Variants in CHRDL2 observed in about 807,000 individuals in gnomAD.
The protein encoded by CHRDL2 is chordin-like protein 2.
CHRDL2 carries 41 observed loss-of-function variants against 54.3 expected under a neutral mutation model. The ratio of observed to expected loss-of-function variants is 0.76; its 90% CI spans 0.59 to 0.98. The LOEUF (loss-of-function observed/expected upper bound fraction) is 0.98, where lower values mean the gene tolerates loss of function less well. Ranked by LOEUF, CHRDL2 falls within the 50% of genes least tolerant of loss-of-function variation. The pLI is 0.00. For synonymous variants in CHRDL2, 220 were observed against 224.3 expected (o/e 0.98, Z 0.17); for missense variants, 518 against 562.4 (o/e 0.92, Z 0.80).
chr11:74,709,999 G>A (rs1260175975), intron 4 of CHRDL2, among the ~76,000 whole-genome samples: 1 of 152,060 alleles, frequency 6.6e-6, no homozygotes, highest in Non-Finnish European at 1.5e-5. Flanking sequence ...GGCAGATCAC[G>A]AGGTCAGGAG....
At chr11:74,720,299 T>A (rs2034473479) in intron 1 of CHRDL2, 1 of 153,916 alleles carries the variant, frequency 6.5e-6, no homozygotes, top group Admixed American at 6.5e-5. Context: ...ATTGTCATCT[T>A]CTGGAATAGA....
chr11:74,719,509 G>A (rs1368830824), intron 1 of CHRDL2, among the ~76,000 whole-genome samples: 1 of 152,136 alleles, frequency 6.6e-6, no homozygotes, highest in East Asian at 1.9e-4. Context: ...TGTAGAGGAG[G>A]ATTGGCAGGG....
In CHRDL2 at chr11:74,731,354, G is replaced by T. The variant is rs1392939761; in HGVS notation, c.-466C>A. On this transcript the variant is annotated 5_prime_UTR_variant, in exon 1 of 11. Coordinates refer to ENST00000376332, the MANE Select transcript of CHRDL2 (RefSeq NM_001278473.3). This position sits in a 1 kb window ranked among gnomAD's most constrained non-coding sequence, Gnocchi z 4.4. ...GCGGGGGCCTGGGGCCCGGCGGGGC[G>T]GCGGTCCCAGCAGCGGCGGCGGCGC... 2 of 148,398 alleles carry T rather than the reference G, an allele frequency of 1.3e-5. No homozygotes were observed. The highest frequency in any genetic ancestry group is 4.9e-5 in the African/African-American group (2 of 40,932). The allele number at this position is 148,398 out of a possible 1,614,324, so 9.2% of individuals were successfully genotyped here.
At chr11:74,710,179 A>G (rs1270983227) in intron 4 of CHRDL2, among the ~76,000 whole-genome samples, 2 of 150,884 alleles carry the variant, frequency 1.3e-5, no homozygotes, top group Non-Finnish European at 3.0e-5. Flanking sequence ...TCACGCCACT[A>G]CACTCCGGCC....
Position 74,704,023 on chromosome 11 carries a change from C to T in CHRDL2, c.751+463G>A, listed in dbSNP as rs183209013. On this transcript the variant is annotated intron_variant, in intron 7 of 10. Transcript: ENST00000376332. ...TTCTCTACTTCATCCCCACTGTCCTCCTGCAGCCTCGCTCTGCTCCCTCCT... is the reference window on the plus strand; with the variant it reads ...TTCTCTACTTCATCCCCACTGTCCTTCTGCAGCCTCGCTCTGCTCCCTCCT... Among the ~76,000 whole-genome samples the T allele has an allele frequency of 2.4e-4, 36 of 152,340 alleles. No individual in the cohort carries two copies. In the East Asian group the frequency reaches 6.0e-3, roughly 25 times the overall value.
At chr11:74,705,151 C>T (rs1018392502) in intron 6 of CHRDL2, among the ~76,000 whole-genome samples, 3 of 152,132 alleles carry the variant, frequency 2.0e-5, no homozygotes, top group Non-Finnish European at 4.4e-5. Context: ...AGAGCAGGCC[C>T]CATCCAGAGA....
chr11:74,697,473 C>G (rs988405362), intron 9 of CHRDL2, 176 bp from the exon 10 acceptor site: 3 of 611,192 alleles, frequency 4.9e-6, no homozygotes, highest in East Asian at 2.8e-5. Flanking sequence ...ATTCTCCTAT[C>G]TCTCTGCCAC....
In CHRDL2 at chr11:74,696,588, G is replaced by T. The variant is rs765337940; in HGVS notation, c.1214-3C>A. The T allele has an allele frequency of 1.2e-6, 2 of 1,611,064 alleles. No homozygotes were observed. The highest frequency in any genetic ancestry group is 1.7e-6 in the Non-Finnish European group (2 of 1,177,646). ...GGCTAGGAAGACGTTCCAGTGACCT[G>T]CATGGAGGAGGGCAGAAGAGGGAAG... is the stretch of plus-strand genomic sequence containing the variant. On this transcript the variant is annotated splice_polypyrimidine_tract_variant and splice_region_variant and intron_variant, in intron 10 of 10. Transcript: ENST00000376332.
chr11:74,729,898 G>A (rs1376821587), intron 1 of CHRDL2, among the ~76,000 whole-genome samples: 2 of 152,246 alleles, frequency 1.3e-5, no homozygotes, highest in African/African-American at 4.8e-5. Context: ...CTGAGGCTCA[G>A]ATTGATGATG....
chr11:74,710,891 G>A lies in CHRDL2; in HGVS notation c.390C>T (p.Phe130=). 3 of 1,614,156 alleles carry A rather than the reference G, an allele frequency of 1.9e-6. No homozygotes were observed. The highest frequency in any genetic ancestry group is 2.5e-6 in the Non-Finnish European group (3 of 1,180,016). The change falls in exon 4 of 11, where the codon TTC becomes TTT. Residue 130 remains phenylalanine (F), a synonymous_variant. Coordinates refer to ENST00000376332, the MANE Select transcript of CHRDL2 (RefSeq NM_001278473.3). ...CACACTGGTTGGGCAGGCGGGAGGG[G>A]AACAGCTCATGGGCACTGAAGATCT... ...HGEIFSAHEL[F]PSRLPNQCVL...
intron 2 of CHRDL2, among the ~76,000 whole-genome samples, chr11:74,715,572 C>A: frequency 6.7e-6 from 1 of 149,938 alleles, no homozygotes; most frequent in Middle Eastern, 3.5e-3. Context: ...CATGGCACTC[C>A]AGCCTGGGCG....
At chr11:74,730,696 G>A (rs1055313326) in intron 1 of CHRDL2, 111 bp downstream of exon 1, 35 of 1,023,194 alleles carry the variant, frequency 3.4e-5, no homozygotes, top group Middle Eastern at 2.8e-4. Flanking sequence ...TCCGGCACAG[G>A]TGCTGCCTGG....
chr11:74,703,407 AG>A lies in CHRDL2; in HGVS notation c.843del (p.Cys282ValfsTer11), dbSNP rs2033898553. 1 of 1,613,636 alleles carries A rather than the reference AG, an allele frequency of 6.2e-7. No homozygotes were observed. The highest frequency in any genetic ancestry group is 8.5e-7 in the Non-Finnish European group (1 of 1,179,888). ...TGGCAGTCCTGGCGGCCATCCTCAC[AG>A]GTGCATAGGATGCAGGGCAAGGGGC... ...AFGPLPCILC[T>X]CEDGRQDCQR... On this transcript the variant is annotated frameshift_variant, in exon 8 of 11. Transcript: ENST00000376332. LOFTEE classifies it high-confidence loss of function.
At chr11:74,728,367 G>C (rs995409031) in intron 1 of CHRDL2, among the ~76,000 whole-genome samples, 1 of 152,166 alleles carries the variant, frequency 6.6e-6, no homozygotes, top group Non-Finnish European at 1.5e-5. Flanking sequence ...CTTTGTAAGA[G>C]ACCTTCAAAT....
chr11:74,721,165 C>T (rs1346944710), intron 1 of CHRDL2, among the ~76,000 whole-genome samples: 2 of 143,298 alleles, frequency 1.4e-5, no homozygotes, highest in African/African-American at 4.9e-5. Context: ...GGACACGGGC[C>T]CAGCTGGGGT....
chr11:74,718,841 C>G lies in CHRDL2; in HGVS notation c.83-9G>C. ...GCAGAACATGTCTGGGCCTGGCAAACCGACCAGTGCCATGTTAGTCCCAGG... is the reference window on the plus strand; with the variant it reads ...GCAGAACATGTCTGGGCCTGGCAAAGCGACCAGTGCCATGTTAGTCCCAGG... On this transcript the variant is annotated splice_polypyrimidine_tract_variant and intron_variant, in intron 1 of 10. Coordinates refer to ENST00000376332, the MANE Select transcript of CHRDL2 (RefSeq NM_001278473.3). The G allele has an allele frequency of 6.4e-7, 1 of 1,559,706 alleles. No individual in the cohort carries two copies.
chr11:74,708,481 A>T, intron 4 of CHRDL2, 86 bp from the exon 5 acceptor site: 1 of 1,036,440 alleles, frequency 9.6e-7, no homozygotes, highest in African/African-American at 1.7e-5. Flanking sequence ...CCTGGGAGCA[A>T]ATGGCCTTGA....
intron 7 of CHRDL2, 130 bp from the exon 8 acceptor site, chr11:74,703,629 G>T: frequency 1.4e-6 from 1 of 727,144 alleles, no homozygotes; most frequent in Non-Finnish European, 2.2e-6. Context: ...CACACTGCCT[G>T]CAAAGCATAG....
At chr11:74,709,042 G>T (rs571485200) in intron 4 of CHRDL2, among the ~76,000 whole-genome samples, 71 of 152,340 alleles carry the variant, frequency 4.7e-4, no homozygotes, top group Non-Finnish European at 8.5e-4. Context: ...CAACGTGCCT[G>T]GGGGGAAGCA....
Sources: allele counts gnomAD v4.1 joint callset (sites outside exome capture counted in the v4.1 genomes callset), GRCh38; gene constraint gnomAD v4.1.1; non-coding constraint Gnocchi (gnomAD v3.1); transcripts MANE v1.5; gene names NCBI Gene and HGNC (gene_info 2026-07-23, HGNC 2026-07-21).